ITGA2B: variants seen among roughly 807,000 people sequenced by gnomAD.
ITGA2B encodes the protein integrin subunit alpha 2b, also known as integrin alpha-IIb.
A neutral mutation model predicts 142.0 loss-of-function variants in ITGA2B; 91 were observed. That is an observed-to-expected ratio of 0.64 (90% CI 0.54 to 0.76). ITGA2B has a LOEUF of 0.76. Among genes scored for constraint, ITGA2B ranks in the 30% least tolerant of loss-of-function variants. ITGA2B has a pLI of 0.00. For synonymous variants in ITGA2B, 536 were observed against 567.2 expected (o/e 0.94, Z 0.78); for missense variants, 1,231 against 1,350.8 (o/e 0.91, Z 1.39).
chr17:44,375,348 A>G, intron 26 of ITGA2B: 1 of 632,124 alleles, frequency 1.6e-6, no homozygotes, highest in Non-Finnish European at 2.8e-6. Flanking sequence ...GATCTATGAT[A>G]ACCTTGCTTT....
At chr17:44,374,537 A>AGGCT in intron 28 of ITGA2B, 67 bp from the exon 29 acceptor site, 2 of 1,550,040 alleles carry the variant, frequency 1.3e-6, no homozygotes, top group Non-Finnish European at 1.8e-6. Context: ...CTCAAACCTC[A>AGGCT]GGCTGGTGAC....
At position 44,377,011 on chromosome 17, in the gene ITGA2B, C is replaced by G; in HGVS notation, c.2265G>C (p.Arg755=). Residue 755 remains arginine, a splice_region_variant and synonymous_variant, in exon 22 of 30, where the codon CGG becomes CGC. Transcript: ENST00000262407. ...AGGCACGCTCGCCAGGTCAGTACCT[C>G]CGTATCTGCAGCTGGAAGGACACAG... ...GESVSFQLQI[R]SKNSQNPNSK... The G allele has an allele frequency of 6.3e-7, 1 of 1,587,736 alleles. No individual in the cohort carries two copies. The highest frequency in any genetic ancestry group is 8.6e-7 in the Non-Finnish European group (1 of 1,167,638).
chr17:44,381,001 A>C lies in ITGA2B; in HGVS notation c.1271T>G (p.Leu424Arg). 1.9e-6 allele frequency: 3 copies of C among 1,613,488 alleles called. No homozygotes were observed. Among genetic ancestry groups the C allele is most frequent in the Non-Finnish European group, 2.5e-6 (3 of 1,179,600 alleles). The part of the protein sequence containing the change: ...PSGRGQVLVF[L>R]GQSEGLRSRP... The stretch of plus-strand genomic sequence containing the variant: ...TGACCTCAGCCCCTCACTCTGACCC[A>C]GGAACACCAGCACTTGGCCCCGGCC... Residue 424 changes from leucine to arginine, a missense_variant, in exon 13 of 30, where the codon CTG becomes CGG. By Grantham distance (102) the Leu-to-Arg change is moderately radical. Transcript: ENST00000262407.
At position 44,377,684 on chromosome 17, in the gene ITGA2B, C is replaced by T. The variant is rs2048557065; in HGVS notation, c.2187+14G>A. On this transcript the variant is annotated intron_variant, in intron 21 of 29. Coordinates refer to ENST00000262407, the MANE Select transcript of ITGA2B (RefSeq NM_000419.5). ...CCCTGGTGGAGACCCGGTACCACGA[C>T]CCAGCAGCCTCACCTGGGCGTTCTT... The T allele has an allele frequency of 3.7e-6, 6 of 1,608,578 alleles. No individual in the cohort carries two copies. The highest frequency in any genetic ancestry group is 5.1e-6 in the Non-Finnish European group (6 of 1,176,050).
intron 1 of ITGA2B, among the ~76,000 whole-genome samples, chr17:44,388,947 G>A (rs539787465): frequency 6.6e-6 from 1 of 151,936 alleles, no homozygotes; most frequent in South Asian, 2.1e-4. Context: ...TTACAGGCAT[G>A]AGCCACCGCG....
chr17:44,376,289 T>A lies in ITGA2B; in HGVS notation c.2348+19A>T. 1.2e-6 allele frequency: 2 copies of A among 1,614,070 alleles called. No homozygotes were observed. Among genetic ancestry groups the A allele is most frequent in the Non-Finnish European group, 1.7e-6 (2 of 1,179,984 alleles). ...AGAGCCCTGAATGCCATCTCCCTTC[T>A]CCACCCCTGGCCTCTCACCCTCGCA... On this transcript the variant is annotated intron_variant, in intron 23 of 29. Coordinates refer to ENST00000262407, the MANE Select transcript of ITGA2B (RefSeq NM_000419.5).
At chr17:44,375,263 A>C (rs1598376256) in intron 26 of ITGA2B, 152 bp from the exon 27 acceptor site, 2 of 713,836 alleles carry the variant, frequency 2.8e-6, no homozygotes, top group Non-Finnish European at 2.5e-6. Flanking sequence ...CAAGCTTCGG[A>C]TGCTGTCTTT....
In ITGA2B at chr17:44,380,446, T is replaced by G; in HGVS notation, c.1484A>C (p.Asp495Ala). 6.2e-7 allele frequency: 1 copy of G among 1,614,176 alleles called. No homozygotes were observed. Among genetic ancestry groups the G allele is most frequent in the East Asian group, 2.2e-5 (1 of 44,882 alleles). ...VKASVQLLVQ[D>A]SLNPAVKSCV... is the part of the protein sequence containing the mutation. ...GCTCTTCACAGCAGGATTCAGTGAA[T>G]CTTGCACCAGTAGCTGGACAGAGGC... Residue 495 changes from aspartate to alanine, a missense_variant, in exon 15 of 30, where the codon GAT (aspartate) becomes GCT (alanine). By Grantham distance (126) the Asp-to-Ala change is moderately radical. Transcript: ENST00000262407.
chr17:44,380,731 C>T (rs768311907), intron 13 of ITGA2B, 86 bp from the exon 14 acceptor site: 8 of 1,597,480 alleles, frequency 5.0e-6, no homozygotes, highest in East Asian at 4.5e-5. Flanking sequence ...CACACCACCT[C>T]CCCCACTGGA....
At position 44,376,342 on chromosome 17, in the gene ITGA2B, G is replaced by T; in HGVS notation, c.2314C>A (p.Pro772Thr). The T allele has an allele frequency of 6.2e-7, 1 of 1,614,164 alleles. No homozygotes were observed. Among genetic ancestry groups the T allele is most frequent in the Non-Finnish European group, 8.5e-7 (1 of 1,180,036 alleles). ...TCCACTTGGGCCTCTGCCCGGACCGGCACGTCCAGCAGCACAATCTTGCTG... is the reference window on the plus strand; with the variant it reads ...TCCACTTGGGCCTCTGCCCGGACCGTCACGTCCAGCAGCACAATCTTGCTG... ...PNSKIVLLDV[P>T]VRAEAQVELR... Residue 772 changes from proline to threonine, a missense_variant, in exon 23 of 30, where the codon CCG becomes ACG. Transcript: ENST00000262407.
At chr17:44,372,822 T>C (rs2143419792) in intron 29 of ITGA2B, among the ~76,000 whole-genome samples, 1 of 152,178 alleles carries the variant, frequency 6.6e-6, no homozygotes, top group South Asian at 2.1e-4. Flanking sequence ...GGTTTCACCC[T>C]GTTGGCCGGG....
Position 44,375,069 on chromosome 17 carries a change from G to A in ITGA2B, c.2770C>T (p.Gln924Ter), listed in dbSNP as rs2143432066. 3 of 1,548,544 alleles carry A rather than the reference G, an allele frequency of 1.9e-6. No homozygotes were observed. The highest frequency in any genetic ancestry group is 2.6e-6 in the Non-Finnish European group (3 of 1,146,970). ...APCTVVQCDL[Q>*]EMARGQRAMV... ...GCCCGCTGCCCGCGCGCCATCTCCT[G>A]CAGGTCACACTGCACCACAGTACAG... Residue 924 changes from glutamine (Q) to a stop codon, truncating the protein, a stop_gained, in exon 27 of 30, where the codon CAG (glutamine) becomes TAG (stop). Coordinates refer to ENST00000262407, the MANE Select transcript of ITGA2B (RefSeq NM_000419.5). LOFTEE classifies it high-confidence loss of function.
intron 22 of ITGA2B, 34 bp downstream of exon 22, chr17:44,376,974 AG>A: frequency 6.5e-7 from 1 of 1,528,166 alleles, no homozygotes. Context: ...AGACGGGGGA[AG>A]GGTGGTGGGT....
intron 6 of ITGA2B, 39 bp downstream of exon 6, chr17:44,385,125 G>C: frequency 1.9e-6 from 3 of 1,614,098 alleles, no homozygotes; most frequent in Non-Finnish European, 1.7e-6. Flanking sequence ...GTCTCCTTGG[G>C]CCGCGAGAAG....
intron 26 of ITGA2B, 149 bp downstream of exon 26, chr17:44,375,442 A>T: frequency 1.1e-6 from 1 of 919,858 alleles, no homozygotes; most frequent in Non-Finnish European, 1.6e-6. Flanking sequence ...ACAAGCCAGC[A>T]TGCTCCTCCA....
rs12938868 is a variant in ITGA2B at position 44,378,349 on chromosome 17, G to A, written c.2094+13C>T. 44,812 of 1,607,138 alleles carry A rather than the reference G, an allele frequency of 0.028. 819 individuals carry two copies. The highest frequency in any genetic ancestry group is 0.04 in the Middle Eastern group (188 of 4,650). Reference sequence around the variant, plus strand: ...CCAGGTCCCGGGTACTGTTCCCAGGGTGGGGGCCATACCTCGACATTGCTT... The same window carrying A: ...CCAGGTCCCGGGTACTGTTCCCAGGATGGGGGCCATACCTCGACATTGCTT... On this transcript the variant is annotated intron_variant, in intron 20 of 29. Transcript: ENST00000262407.
At chr17:44,383,042 G>A (rs1042924884) in intron 12 of ITGA2B, among the ~76,000 whole-genome samples, 5 of 152,070 alleles carry the variant, frequency 3.3e-5, no homozygotes, top group African/African-American at 1.2e-4. Flanking sequence ...GGATATTTCC[G>A]CCTAAAGCAC....
intron 12 of ITGA2B, among the ~76,000 whole-genome samples, 187 bp from the exon 13 acceptor site, chr17:44,381,248 G>A (rs147380536): frequency 1.9e-3 from 282 of 152,268 alleles, no homozygotes; most frequent in African/African-American, 6.4e-3. Flanking sequence ...CTGCCAAGTA[G>A]GATTGTTATA....
chr17:44,380,490 T>G lies in ITGA2B; in HGVS notation c.1440A>C (p.Arg480Ser). 3 of 1,614,030 alleles carry G rather than the reference T, an allele frequency of 1.9e-6. No homozygotes were observed. Among genetic ancestry groups the G allele is most frequent in the Non-Finnish European group, 2.5e-6 (3 of 1,179,964 alleles). Residue 480 changes from arginine to serine, a missense_variant and splice_region_variant, in exon 15 of 30, where the codon AGA becomes AGC. Physicochemically the swap from Arg to Ser is moderately radical, Grantham distance 110. This residue lies in a region of ITGA2B where 908 missense variants were observed against 1,021.1 expected (regional missense o/e 0.89). Transcript: ENST00000262407. ...CAGAGGCCTTCACCACTGGCTGAGC[T>G]CTGATGGGATAGGGTGATGGGGTAG... Reference protein sequence around the residue: ...AYGANQVAVYRAQPVVKASVQ... With the variant: ...AYGANQVAVYSAQPVVKASVQ...
Sources: allele counts gnomAD v4.1 joint callset (sites outside exome capture counted in the v4.1 genomes callset), GRCh38; gene constraint gnomAD v4.1.1; regional missense constraint gnomAD v4.1.1; transcripts MANE v1.5; gene names NCBI Gene and HGNC (gene_info 2026-07-23, HGNC 2026-07-21).